Variants in ATP8B4 observed in about 807,000 individuals in gnomAD.
The protein encoded by ATP8B4 is ATPase phospholipid transporting 8B4 (putative).
In ATP8B4, 133 loss-of-function variants were observed where a neutral mutation model predicts 145.6. The ratio of observed to expected loss-of-function variants is 0.91; its 90% CI spans 0.79 to 1.05. The LOEUF (loss-of-function observed/expected upper bound fraction) is 1.05. Ranked by LOEUF, ATP8B4 falls within the 50% of genes least tolerant of loss-of-function variation. The pLI is 0.00. For synonymous variants in ATP8B4, 507 were observed against 492.9 expected (o/e 1.03, Z -0.38); for missense variants, 1,458 against 1,425.2 (o/e 1.02, Z -0.37).
At position 50,035,968 on chromosome 15, in the gene ATP8B4, T is replaced by C. The variant is rs148454003; in HGVS notation, c.362+2800A>G. ...ATGTGACACCCACCCCAGCAACTCC[T>C]GGACTCCCAGAGCCCAGATCCCCTC... On this transcript the variant is annotated intron_variant, in intron 6 of 27. Coordinates refer to ENST00000284509, the MANE Select transcript of ATP8B4 (RefSeq NM_024837.4). Among the ~76,000 whole-genome samples the C allele has an allele frequency of 4.6e-5, 7 of 152,278 alleles. No individual in the cohort carries two copies. In the East Asian group the frequency reaches 7.7e-4, roughly 17 times the overall value.
At chr15:50,080,711 G>T (rs1319548341) in intron 2 of ATP8B4, among the ~76,000 whole-genome samples, 1 of 151,948 alleles carries the variant, frequency 6.6e-6, no homozygotes, top group Non-Finnish European at 1.5e-5. Context: ...GGAATTACAG[G>T]CATGAACCAC....
At position 49,866,370 on chromosome 15, in the gene ATP8B4, A is replaced by G; in HGVS notation, c.3142T>C (p.Phe1048Leu). The G allele has an allele frequency of 6.2e-7, 1 of 1,614,064 alleles. No individual in the cohort carries two copies. The highest frequency in any genetic ancestry group is 1.1e-5 in the South Asian group (1 of 91,082). Residue 1048 changes from phenylalanine (F) to leucine (L), a missense_variant, in exon 26 of 28, where the codon TTC becomes CTC. Coordinates refer to ENST00000284509, the MANE Select transcript of ATP8B4 (RefSeq NM_024837.4). ...CCAACAAATGGAAACTGGTTTGGGAAGATGCCAAAGATGCCATTACTGTGC... is the reference window on the plus strand; with the variant it reads ...CCAACAAATGGAAACTGGTTTGGGAGGATGCCAAAGATGCCATTACTGTGC... ...TMHSNGIFGI[F>L]PNQFPFVGNA... is the part of the protein sequence containing the mutation.
intron 1 of ATP8B4, among the ~76,000 whole-genome samples, chr15:50,181,393 C>T (rs1415190353): frequency 6.6e-6 from 1 of 152,232 alleles, no homozygotes; most frequent in Non-Finnish European, 1.5e-5. Flanking sequence ...ACCACTTACT[C>T]AATGTCCTCT....
At chr15:49,985,381 C>A (rs1567144166) in intron 10 of ATP8B4, among the ~76,000 whole-genome samples, 1 of 152,188 alleles carries the variant, frequency 6.6e-6, no homozygotes, top group Admixed American at 6.5e-5. Context: ...CAGGCGTGAG[C>A]CACCGCGCCC....
intron 20 of ATP8B4, among the ~76,000 whole-genome samples, chr15:49,905,702 T>A (rs976157270): frequency 1.1e-4 from 16 of 152,038 alleles, no homozygotes; most frequent in Non-Finnish European, 2.1e-4. Flanking sequence ...AAATTCTTTA[T>A]TTTTTTTCTT....
chr15:50,099,405 A>G (rs2056204493), intron 2 of ATP8B4, among the ~76,000 whole-genome samples: 1 of 151,964 alleles, frequency 6.6e-6, no homozygotes, highest in South Asian at 2.1e-4. Context: ...TCAGTCCCCC[A>G]AGGAGCTGGA....
chr15:50,077,038 C>A (rs564894873), intron 2 of ATP8B4, among the ~76,000 whole-genome samples: 1 of 152,158 alleles, frequency 6.6e-6, no homozygotes, highest in Non-Finnish European at 1.5e-5. Context: ...GGTTCAATGA[C>A]CTAATGCCTG....
chr15:50,023,779 C>CAAAAAAAAAAAAA (rs60030651), intron 6 of ATP8B4, among the ~76,000 whole-genome samples: 9 of 75,044 alleles, frequency 1.2e-4, no homozygotes, highest in Non-Finnish European at 1.5e-4. Flanking sequence ...AGACCAAAGG[C>CAAAAAAAAAAAAA]AAAAAAAAAA....
In ATP8B4 at chr15:50,081,911, G is replaced by A. The variant is rs145218820; in HGVS notation, c.29-7726C>T. Among the ~76,000 whole-genome samples, 13 of 152,244 alleles carry A rather than the reference G, an allele frequency of 8.5e-5. No individual in the cohort carries two copies. The East Asian group carries it at 2.1e-3, about 25-fold the overall frequency. On this transcript the variant is annotated intron_variant, in intron 2 of 27. Transcript: ENST00000284509. The stretch of plus-strand genomic sequence containing the variant: ...AATGATGAAGCACCATGGAGCATTC[G>A]GGGTCCCTATATAGAACTCAGTGAT...
chr15:50,128,993 G>C (rs866120436), intron 1 of ATP8B4, among the ~76,000 whole-genome samples: 1 of 152,162 alleles, frequency 6.6e-6, no homozygotes, highest in African/African-American at 2.4e-5. Context: ...ACTTGAACCC[G>C]GGAGGTGGAG....
intron 1 of ATP8B4, among the ~76,000 whole-genome samples, chr15:50,124,494 G>C (rs1029364977): frequency 6.6e-6 from 1 of 152,090 alleles, no homozygotes; most frequent in Admixed American, 6.6e-5. Flanking sequence ...CACAGATAGA[G>C]ACCCGGATTT....
intron 2 of ATP8B4, among the ~76,000 whole-genome samples, chr15:50,091,903 C>T (rs888463576): frequency 1.3e-5 from 2 of 152,020 alleles, no homozygotes; most frequent in African/African-American, 4.8e-5. Flanking sequence ...ACGATAAATG[C>T]TAGAGGAAAT....
intron 20 of ATP8B4, among the ~76,000 whole-genome samples, chr15:49,915,691 G>A (rs1208727372): frequency 6.6e-6 from 1 of 151,868 alleles, no homozygotes; most frequent in Admixed American, 6.6e-5. Context: ...TTCCCCAACT[G>A]ACTCTATGGG....
chr15:49,978,114 T>G lies in ATP8B4; in HGVS notation c.1034+1503A>C, dbSNP rs528479177. On this transcript the variant is annotated intron_variant, in intron 12 of 27. Coordinates refer to ENST00000284509, the MANE Select transcript of ATP8B4 (RefSeq NM_024837.4). ...TCATTAAATGAAAATGCCAATGTAC[T>G]TCAAAGAAAGAATGTATACATAATA... Among the ~76,000 whole-genome samples, 348 of 152,324 alleles carry G rather than the reference T, an allele frequency of 2.3e-3. 1 individual carries two copies. Among genetic ancestry groups the G allele is most frequent in the African/African-American group, 8.1e-3 (337 of 41,572 alleles).
intron 1 of ATP8B4, among the ~76,000 whole-genome samples, chr15:50,165,537 C>G (rs7170278): frequency 0.22 from 33,647 of 151,726 alleles, 4,270 homozygotes; most frequent in East Asian, 0.49. Context: ...TCTCCTCCCC[C>G]TAAATAAAAA....
chr15:49,973,534 A>C (rs1336686559), intron 12 of ATP8B4, among the ~76,000 whole-genome samples: 1 of 152,254 alleles, frequency 6.6e-6, no homozygotes, highest in Non-Finnish European at 1.5e-5. Flanking sequence ...GAACCAAACC[A>C]TAACAAATAC....
chr15:50,142,383 T>C (rs2044224022), intron 1 of ATP8B4, among the ~76,000 whole-genome samples: 1 of 152,106 alleles, frequency 6.6e-6, no homozygotes, highest in South Asian at 2.1e-4. Flanking sequence ...AACTGTATAA[T>C]CACCATCAAG....
chr15:50,165,532 TCC>T (rs2044583827), intron 1 of ATP8B4, among the ~76,000 whole-genome samples: 1 of 151,790 alleles, frequency 6.6e-6, no homozygotes, highest in Admixed American at 6.6e-5. Flanking sequence ...CTCTATCTCC[TCC>T]CCCTAAATAA....
chr15:50,002,663 A>C (rs1308986911), intron 7 of ATP8B4, among the ~76,000 whole-genome samples: 2 of 152,084 alleles, frequency 1.3e-5, no homozygotes, highest in Non-Finnish European at 2.9e-5. Context: ...TAGATGGAGG[A>C]AACTGAAAAA....
Sources: gnomAD v4.1 joint callset for allele counts (sites outside exome capture counted in the v4.1 genomes callset) on GRCh38, gnomAD v4.1.1 for gene constraint, MANE v1.5 for transcripts, NCBI Gene and HGNC (gene_info 2026-07-23, HGNC 2026-07-21) for gene names.